Variants in FSTL1 observed in about 807,000 individuals in gnomAD.
FSTL1 encodes the protein follistatin like 1.
In FSTL1, 24 loss-of-function variants were observed where a neutral mutation model predicts 45.9. The observed-to-expected ratio is 0.52, with a 90% confidence interval of 0.38 to 0.74. The LOEUF (loss-of-function observed/expected upper bound fraction) is 0.74. Ranked by LOEUF, FSTL1 falls within the 30% of genes least tolerant of loss-of-function variation. The probability of loss-of-function intolerance (pLI) is 0.00; values close to 1 mark genes in which losing one functional copy is unlikely to be tolerated. For missense variants in FSTL1, 340 were observed against 381.8 expected (o/e 0.89, Z 0.91); for synonymous variants, 120 against 137.6 (o/e 0.87, Z 0.89).
At chr3:120,417,789 AC>A (rs1369184484) in intron 2 of FSTL1, among the ~76,000 whole-genome samples, 2 of 152,092 alleles carry the variant, frequency 1.3e-5, no homozygotes, top group Non-Finnish European at 2.9e-5. Context: ...ACTCAAAGAC[AC>A]CCGCACACAG....
chr3:120,446,404 AG>A (rs1240916667), intron 2 of FSTL1, among the ~76,000 whole-genome samples: 10 of 152,322 alleles, frequency 6.6e-5, no homozygotes, highest in Admixed American at 4.6e-4. Flanking sequence ...AGAGACTTCT[AG>A]GGGAACTGTA....
Position 120,412,838 on chromosome 3 carries a change from G to GCGCA in FSTL1, c.169-856_169-855insTGCG, listed in dbSNP as rs1429168694. Among the ~76,000 whole-genome samples, 609 of 106,012 alleles carry GCGCA rather than the reference G, an allele frequency of 5.7e-3. 3 individuals are homozygous for GCGCA. The highest frequency in any genetic ancestry group is 0.011 in the East Asian group (37 of 3,276). The allele number at this position is 106,012 out of a possible 152,430, so 69.5% of individuals were successfully genotyped here. A position where few individuals can be genotyped will look rare whatever the true frequency, so the allele number is the denominator to read the frequency against. On this transcript the variant is annotated intron_variant, in intron 3 of 10. Transcript: ENST00000295633. ...CACATGTGCGCGCGCGCGCGCGCGC[G>GCGCA]CACACACACACACACACACACACAC...
intron 2 of FSTL1, among the ~76,000 whole-genome samples, chr3:120,420,593 G>A (rs1022874277): frequency 2.0e-5 from 3 of 152,276 alleles, no homozygotes; most frequent in Admixed American, 2.0e-4. Flanking sequence ...GACAGACTGG[G>A]AACATTCCTG....
chr3:120,448,367 A>G (rs947453076), intron 2 of FSTL1, among the ~76,000 whole-genome samples: 1 of 152,236 alleles, frequency 6.6e-6, no homozygotes. Context: ...ACCATTAACT[A>G]CAAGATAAAA....
chr3:120,433,596 G>A (rs1937511581), intron 2 of FSTL1, among the ~76,000 whole-genome samples: 1 of 152,208 alleles, frequency 6.6e-6, no homozygotes, highest in Non-Finnish European at 1.5e-5. Flanking sequence ...TTCTAAAGGA[G>A]TACATGCTCT....
chr3:120,431,871 T>C (rs780059389), intron 2 of FSTL1, among the ~76,000 whole-genome samples: 1 of 152,182 alleles, frequency 6.6e-6, no homozygotes, highest in Admixed American at 6.5e-5. Flanking sequence ...TACTGAGTAA[T>C]GAGGACCTAG....
chr3:120,396,682 A>G lies in FSTL1; in HGVS notation c.*270T>C, dbSNP rs941841046. 4 of 443,310 alleles carry G rather than the reference A, an allele frequency of 9.0e-6. No homozygotes were observed. The highest frequency in any genetic ancestry group is 4.0e-5 in the East Asian group (1 of 24,768). The allele number at this position is 443,310 out of a possible 1,614,324, so 27.5% of individuals were successfully genotyped here. On this transcript the variant is annotated 3_prime_UTR_variant, in exon 11 of 11. Transcript: ENST00000295633. ...CAGATTTGGGTCTGTTCCTCTTTCA[A>G]TCGTGATGCAGTTTCCTTACTAGCC... is the stretch of plus-strand genomic sequence containing the variant.
At chr3:120,403,173 C>T (rs1204064983) in intron 8 of FSTL1, 69 bp downstream of exon 8, 12 of 890,240 alleles carry the variant, frequency 1.3e-5, no homozygotes, top group Non-Finnish European at 2.1e-5. Context: ...TTCCACCAAT[C>T]CTCTCTATCT....
intron 9 of FSTL1, among the ~76,000 whole-genome samples, chr3:120,400,905 T>G (rs1936813410): frequency 6.6e-6 from 1 of 152,226 alleles, no homozygotes; most frequent in South Asian, 2.1e-4. Context: ...CATAGAGTTC[T>G]GGACTTGGTC....
chr3:120,428,126 A>T (rs1937415590), intron 2 of FSTL1, among the ~76,000 whole-genome samples: 1 of 151,816 alleles, frequency 6.6e-6, no homozygotes, highest in Admixed American at 6.6e-5. Flanking sequence ...GCCTTGCTCT[A>T]CCCCTCCTCC....
rs188550033 is a variant in FSTL1, at chr3:120,450,204, T to C, written c.63+480A>G. Among the ~76,000 whole-genome samples the C allele has an allele frequency of 2.1e-3, 325 of 152,228 alleles. 4 individuals are homozygous for C. Among genetic ancestry groups the C allele is most frequent in the African/African-American group, 7.1e-3 (295 of 41,524 alleles). On this transcript the variant is annotated intron_variant, in intron 2 of 10. Transcript: ENST00000295633. ...GACACTTCACAAAGAAGAAAATACA[T>C]TTCAGAGAATCATGATCTCACTTTA...
rs759499693 is a variant in FSTL1 at position 120,438,378 on chromosome 3, C to T, written c.63+12306G>A. On this transcript the variant is annotated intron_variant, in intron 2 of 10. Transcript: ENST00000295633. ...AAGTGGAAAATCAAGTGATTCCTTT[C>T]TGTAGAGTAAACAGCATTTGGGATT... The T allele has an allele frequency of 4.6e-5, 7 of 152,162 alleles. 1 individual carries two copies. Among genetic ancestry groups the T allele is most frequent in the Admixed American group, 1.3e-4 (2 of 15,280 alleles). 9.4% of individuals were successfully genotyped at this position (152,162 alleles called of 1,614,324 possible). A position where few individuals can be genotyped will look rare whatever the true frequency, so the allele number is the denominator to read the frequency against.
intron 9 of FSTL1, 120 bp downstream of exon 9, chr3:120,402,688 T>C (rs985377095): frequency 7.1e-6 from 5 of 700,538 alleles, no homozygotes; most frequent in Admixed American, 2.1e-5. Flanking sequence ...TGGGTCTGCC[T>C]GGGTTCCTTG....
Position 120,396,814 on chromosome 3 carries a change from CAAAT to C in FSTL1, c.*134_*137del. 1 of 709,292 alleles carries C rather than the reference CAAAT, an allele frequency of 1.4e-6. No homozygotes were observed. Among genetic ancestry groups the C allele is most frequent in the Non-Finnish European group, 2.5e-6 (1 of 397,490 alleles). 43.9% of individuals were successfully genotyped at this position (709,292 alleles called of 1,614,324 possible). On this transcript the variant is annotated 3_prime_UTR_variant, in exon 11 of 11. Transcript: ENST00000295633. ...CACCTTCATATCCTTTATTGCAAAA[CAAAT>C]AAACAAAATAAAACTCATTGCTATA...
At chr3:120,428,132 C>G (rs1211792665) in intron 2 of FSTL1, among the ~76,000 whole-genome samples, 2 of 152,178 alleles carry the variant, frequency 1.3e-5, no homozygotes, top group African/African-American at 4.8e-5. Context: ...CTCTACCCCT[C>G]CTCCACTCCC....
intron 2 of FSTL1, among the ~76,000 whole-genome samples, chr3:120,433,782 A>T (rs1330622261): frequency 6.6e-6 from 1 of 152,214 alleles, no homozygotes. Flanking sequence ...AGAGCAATTC[A>T]GACGAAAGTA....
chr3:120,413,874 C>T (rs1306352546), intron 3 of FSTL1, among the ~76,000 whole-genome samples: 2 of 137,148 alleles, frequency 1.5e-5, no homozygotes, highest in African/African-American at 5.4e-5. Flanking sequence ...GCCATCTCGG[C>T]TCACTGCAAC....
intron 2 of FSTL1, among the ~76,000 whole-genome samples, chr3:120,447,929 G>C (rs1937794413): frequency 6.6e-6 from 1 of 152,182 alleles, no homozygotes; most frequent in African/African-American, 2.4e-5. Flanking sequence ...GGGATTACAG[G>C]CATGAGCCAC....
At chr3:120,414,109 G>A (rs1937135348) in intron 3 of FSTL1, among the ~76,000 whole-genome samples, 1 of 152,006 alleles carries the variant, frequency 6.6e-6, no homozygotes, top group Non-Finnish European at 1.5e-5. Flanking sequence ...CTGGAGTGCA[G>A]TGGCGTGATC....
Sources: allele counts gnomAD v4.1 joint callset (sites outside exome capture counted in the v4.1 genomes callset), GRCh38; gene constraint gnomAD v4.1.1; transcripts MANE v1.5; gene names NCBI Gene and HGNC (gene_info 2026-07-23, HGNC 2026-07-21).